The following HS3ST4 variants were observed in gnomAD, a reference collection of about 807,000 sequenced individuals.
HS3ST4 encodes the protein heparan sulfate-glucosamine 3-sulfotransferase 4, also known as heparan sulfate glucosamine 3-O-sulfotransferase 4.
Under a neutral mutation model 29.2 loss-of-function variants are expected in HS3ST4, and 17 were observed. The observed-to-expected ratio is 0.58, with a 90% CI of 0.40 to 0.87. The LOEUF is 0.87. HS3ST4 is among the 40% of genes least tolerant of loss of function. The probability of loss-of-function intolerance (pLI) is 0.00; values close to 1 mark genes in which losing one functional copy is unlikely to be tolerated. For missense variants in HS3ST4, 627 were observed against 634.5 expected (o/e 0.99, Z 0.13); for synonymous variants, 314 against 285.7 (o/e 1.10, Z -1.00).
intron 1 of HS3ST4, among the ~76,000 whole-genome samples, chr16:25,905,328 A>T (rs539299985): frequency 6.6e-6 from 1 of 151,600 alleles, no homozygotes; most frequent in Non-Finnish European, 1.5e-5. Flanking sequence ...ATTGCAAAAA[A>T]ATTAGATAGG....
chr16:25,741,638 G>C (rs936277027), intron 1 of HS3ST4, among the ~76,000 whole-genome samples: 1 of 152,126 alleles, frequency 6.6e-6, no homozygotes, highest in African/African-American at 2.4e-5. Flanking sequence ...GTTTGTTTCT[G>C]TTGTTAACAT....
chr16:25,869,876 T>A (rs545410666), intron 1 of HS3ST4, among the ~76,000 whole-genome samples: 1 of 152,316 alleles, frequency 6.6e-6, no homozygotes, highest in East Asian at 1.9e-4. Flanking sequence ...ATAACCATAT[T>A]GTTATCTTAG....
intron 1 of HS3ST4, among the ~76,000 whole-genome samples, chr16:25,976,171 C>A (rs911892119): frequency 6.6e-6 from 1 of 152,182 alleles, no homozygotes. Context: ...AGGTTAAAAA[C>A]GTGATCCCGT....
At chr16:25,764,594 G>C (rs1034246700) in intron 1 of HS3ST4, among the ~76,000 whole-genome samples, 1 of 152,196 alleles carries the variant, frequency 6.6e-6, no homozygotes, top group African/African-American at 2.4e-5. Context: ...GCTTTTGCCA[G>C]CTTGGCACAT....
chr16:25,833,801 T>C (rs972934321), intron 1 of HS3ST4, among the ~76,000 whole-genome samples: 7 of 152,164 alleles, frequency 4.6e-5, no homozygotes, highest in African/African-American at 1.7e-4. Context: ...AGGAAATCAA[T>C]AAGTAAAGTC....
chr16:26,031,882 A>G (rs1319738822), intron 1 of HS3ST4, among the ~76,000 whole-genome samples: 1 of 152,218 alleles, frequency 6.6e-6, no homozygotes, highest in Non-Finnish European at 1.5e-5. Flanking sequence ...AACCCAATGA[A>G]GTCTTCATCT....
At chr16:25,948,446 G>T (rs1968651118) in intron 1 of HS3ST4, among the ~76,000 whole-genome samples, 2 of 151,946 alleles carry the variant, frequency 1.3e-5, no homozygotes, top group African/African-American at 4.8e-5. Context: ...CCCTGTGTGT[G>T]TTCTCCTCTT....
chr16:25,920,600 CCA>C (rs373061931), intron 1 of HS3ST4, among the ~76,000 whole-genome samples: 4,062 of 131,348 alleles, frequency 0.031, 302 homozygotes, highest in African/African-American at 0.13. Flanking sequence ...ACTGCCGCCC[CCA>C]CCCCTCTTTT....
chr16:25,874,154 C>T (rs1205602044), intron 1 of HS3ST4, among the ~76,000 whole-genome samples: 5 of 152,046 alleles, frequency 3.3e-5, no homozygotes, highest in African/African-American at 4.8e-5. Context: ...TGTATCCTTA[C>T]CCCTAGTACA....
chr16:25,713,634 A>T (rs1567225265), intron 1 of HS3ST4, among the ~76,000 whole-genome samples: 1 of 152,184 alleles, frequency 6.6e-6, no homozygotes, highest in Non-Finnish European at 1.5e-5. Context: ...ATGGGCCAGG[A>T]TCCAGTTGTT....
At chr16:26,096,131 C>A (rs926218969) in intron 1 of HS3ST4, among the ~76,000 whole-genome samples, 8 of 152,104 alleles carry the variant, frequency 5.3e-5, no homozygotes, top group Non-Finnish European at 1.5e-5. Context: ...AAGTCCAGGA[C>A]CAGACAGATT....
At chr16:25,926,959 T>C (rs1968409802) in intron 1 of HS3ST4, among the ~76,000 whole-genome samples, 1 of 152,124 alleles carries the variant, frequency 6.6e-6, no homozygotes, top group South Asian at 2.1e-4. Context: ...TTCAGAATAC[T>C]TTAAGGTCAG....
chr16:25,849,180 A>G (rs1352294463), intron 1 of HS3ST4, among the ~76,000 whole-genome samples: 1 of 152,128 alleles, frequency 6.6e-6, no homozygotes, highest in Non-Finnish European at 1.5e-5. Context: ...TTTGAAATTT[A>G]TTGAGATTCT....
chr16:25,860,490 A>G (rs1967625620), intron 1 of HS3ST4, among the ~76,000 whole-genome samples: 2 of 152,286 alleles, frequency 1.3e-5, no homozygotes, highest in East Asian at 1.9e-4. Context: ...TACACAGTTT[A>G]TGGATACATA....
chr16:25,863,208 C>T (rs933611444), intron 1 of HS3ST4, among the ~76,000 whole-genome samples: 35 of 152,080 alleles, frequency 2.3e-4, no homozygotes, highest in Non-Finnish European at 7.4e-5. Context: ...CTCAGCCTCC[C>T]GAGTAGCCAG....
At chr16:25,845,364 C>G (rs9926017) in intron 1 of HS3ST4, among the ~76,000 whole-genome samples, 44,395 of 151,880 alleles carry the variant, frequency 0.29, 6,945 homozygotes, top group Admixed American at 0.34. Flanking sequence ...CAAAAATTAT[C>G]TGGGCATGGT....
intron 1 of HS3ST4, among the ~76,000 whole-genome samples, chr16:25,869,495 A>G (rs1416340914): frequency 6.6e-6 from 1 of 152,120 alleles, no homozygotes; most frequent in Non-Finnish European, 1.5e-5. Context: ...TTTCGAATGC[A>G]AACTAGGTGA....
chr16:26,014,782 G>A (rs1216882341), intron 1 of HS3ST4, among the ~76,000 whole-genome samples: 1 of 152,026 alleles, frequency 6.6e-6, no homozygotes, highest in African/African-American at 2.4e-5. Flanking sequence ...CTTTGCTATT[G>A]TATCATCACC....
chr16:25,801,797 A>G (rs552248485), intron 1 of HS3ST4, among the ~76,000 whole-genome samples: 3 of 152,280 alleles, frequency 2.0e-5, no homozygotes, highest in Admixed American at 2.0e-4. Context: ...AATATAGGTT[A>G]CAAATATTTT....
Sources: allele counts gnomAD v4.1 joint callset (sites outside exome capture counted in the v4.1 genomes callset), GRCh38; gene constraint gnomAD v4.1.1; transcripts MANE v1.5; gene names NCBI Gene and HGNC (gene_info 2026-07-23, HGNC 2026-07-21).